Variants in ATP8A2 observed in about 807,000 individuals in gnomAD.
ATP8A2 encodes ATPase phospholipid transporting 8A2.
ATP8A2 carries 100 observed loss-of-function variants against 165.6 expected under a neutral mutation model. That is an observed-to-expected ratio of 0.60 (90% CI 0.51 to 0.71). The LOEUF (loss-of-function observed/expected upper bound fraction) is 0.71. Among genes scored for constraint, ATP8A2 ranks in the 30% least tolerant of loss-of-function variants. The pLI, the probability that ATP8A2 is intolerant of heterozygous loss-of-function variation, is 0.00. For synonymous variants in ATP8A2, 543 were observed against 548.8 expected, an observed-to-expected ratio of 0.99 and a Z score of 0.15; for missense variants, 1,227 against 1,479.5, an observed-to-expected ratio of 0.83 and a Z score of 2.80.
chr13:25,406,526 G>A (rs1420556218), intron 1 of ATP8A2, among the ~76,000 whole-genome samples: 1 of 152,172 alleles, frequency 6.6e-6, no homozygotes, highest in Non-Finnish European at 1.5e-5. Context: ...TGCTCTCATA[G>A]GACTATGCAT....
chr13:25,566,101 A>G (rs1041523584), intron 16 of ATP8A2, among the ~76,000 whole-genome samples: 1 of 152,102 alleles, frequency 6.6e-6, no homozygotes, highest in Non-Finnish European at 1.5e-5. Flanking sequence ...ACTTTTCTCT[A>G]TTGAAGTTAG....
At chr13:25,780,369 A>C (rs1025437556) in intron 27 of ATP8A2, among the ~76,000 whole-genome samples, 3 of 152,296 alleles carry the variant, frequency 2.0e-5, no homozygotes, top group East Asian at 3.9e-4. Flanking sequence ...AACACATACA[A>C]GAAATTTTAG....
intron 2 of ATP8A2, among the ~76,000 whole-genome samples, chr13:25,469,479 C>T (rs2035779883): frequency 6.6e-6 from 1 of 152,200 alleles, no homozygotes; most frequent in African/African-American, 2.4e-5. Context: ...AGTTGATAGC[C>T]TTCTTTAGCA....
chr13:25,530,043 A>G lies in ATP8A2; in HGVS notation c.266A>G (p.Tyr89Cys). The G allele has an allele frequency of 1.2e-6, 2 of 1,613,204 alleles. No individual in the cohort carries two copies. Among genetic ancestry groups the G allele is most frequent in the Non-Finnish European group, 1.7e-6 (2 of 1,179,374 alleles). ...SVLTFLPRFL[Y>C]EQIRRAANAF... ...TTGACATTTCTACCTCGATTCTTGT[A>G]TGAGCAGATTAGAAGAGCTGCTAAT... Residue 89 changes from tyrosine (Y) to cysteine (C), a missense_variant, in exon 3 of 37, where the codon TAT becomes TGT. This residue lies in a region of ATP8A2 where 356 missense variants were observed against 394.9 expected (regional missense o/e 0.90). Coordinates refer to ENST00000381655, the MANE Select transcript of ATP8A2 (RefSeq NM_016529.6).
At chr13:25,717,808 C>A (rs897770606) in intron 25 of ATP8A2, among the ~76,000 whole-genome samples, 1 of 152,118 alleles carries the variant, frequency 6.6e-6, no homozygotes. Context: ...TGCTGCTGGT[C>A]TTGTAGTATG....
chr13:25,479,907 G>C (rs956058914), intron 2 of ATP8A2, among the ~76,000 whole-genome samples: 1 of 151,798 alleles, frequency 6.6e-6, no homozygotes, highest in Non-Finnish European at 1.5e-5. Context: ...ACACAGACAC[G>C]GCAACCATCC....
At chr13:25,481,854 T>TA (rs1439937806) in intron 2 of ATP8A2, among the ~76,000 whole-genome samples, 12 of 152,268 alleles carry the variant, frequency 7.9e-5, no homozygotes, top group African/African-American at 2.9e-4. Flanking sequence ...CTGTCTCTAA[T>TA]AAGGGCACTA....
At chr13:25,544,032 TA>T (rs1435613862) in intron 10 of ATP8A2, among the ~76,000 whole-genome samples, 1 of 152,264 alleles carries the variant, frequency 6.6e-6, no homozygotes, top group Non-Finnish European at 1.5e-5. Flanking sequence ...TGGTGGCTAT[TA>T]ATGAGAATTG....
chr13:25,378,399 T>C (rs1480299928), intron 1 of ATP8A2, among the ~76,000 whole-genome samples: 4 of 152,188 alleles, frequency 2.6e-5, no homozygotes, highest in Non-Finnish European at 5.9e-5. Flanking sequence ...CCCATTTTGC[T>C]TTCCATCACA....
intron 27 of ATP8A2, among the ~76,000 whole-genome samples, chr13:25,819,953 A>G (rs897864617): frequency 6.6e-6 from 1 of 152,212 alleles, no homozygotes; most frequent in African/African-American, 2.4e-5. Context: ...AAGAAACCAT[A>G]TGTTAATTTA....
chr13:25,424,428 G>A (rs2034385122), intron 1 of ATP8A2, among the ~76,000 whole-genome samples: 1 of 152,110 alleles, frequency 6.6e-6, no homozygotes, highest in African/African-American at 2.4e-5. Flanking sequence ...CAATATAGGA[G>A]GAAGTTAATT....
At chr13:25,876,168 TCAG>T (rs1202583056) in intron 33 of ATP8A2, among the ~76,000 whole-genome samples, 1 of 152,160 alleles carries the variant, frequency 6.6e-6, no homozygotes, top group Non-Finnish European at 1.5e-5. Flanking sequence ...GCATTGTTCC[TCAG>T]CAGATCAGGG....
intron 33 of ATP8A2, among the ~76,000 whole-genome samples, chr13:25,901,427 G>A (rs1953744313): frequency 6.7e-6 from 1 of 149,348 alleles, no homozygotes; most frequent in African/African-American, 2.5e-5. Flanking sequence ...AAAACCACAT[G>A]TTACTTAGAA....
At chr13:25,737,227 C>T (rs1423235431) in intron 25 of ATP8A2, among the ~76,000 whole-genome samples, 2 of 152,168 alleles carry the variant, frequency 1.3e-5, no homozygotes, top group African/African-American at 2.4e-5. Flanking sequence ...AACGGGTCCT[C>T]AGGAAGTTAA....
At chr13:25,439,203 G>A (rs906363529) in intron 1 of ATP8A2, among the ~76,000 whole-genome samples, 4 of 152,158 alleles carry the variant, frequency 2.6e-5, no homozygotes, top group Admixed American at 6.5e-5. Flanking sequence ...AGGGCAGTTC[G>A]GGGTAATTCC....
intron 27 of ATP8A2, among the ~76,000 whole-genome samples, chr13:25,822,407 T>C (rs1445361057): frequency 2.0e-5 from 3 of 152,244 alleles, no homozygotes; most frequent in Non-Finnish European, 4.4e-5. Context: ...TAGACAATGC[T>C]ATCTCACCAG....
At chr13:25,866,359 C>T (rs1186875009) in intron 33 of ATP8A2, among the ~76,000 whole-genome samples, 1 of 152,152 alleles carries the variant, frequency 6.6e-6, no homozygotes, top group Non-Finnish European at 1.5e-5. Context: ...AATAGGCTAA[C>T]CTGTGGGAAA....
Position 25,885,105 on chromosome 13 carries a change from CTTTTTTTTTTTTT to C in ATP8A2, c.3183+22709_3183+22721del, listed in dbSNP as rs869044168. Among the ~76,000 whole-genome samples the C allele has an allele frequency of 4.5e-5, 4 of 88,600 alleles. No individual in the cohort carries two copies. In the Admixed American group the frequency reaches 6.0e-4, roughly 13 times the overall value. The allele number at this position is 88,600 out of a possible 152,430, so 58.1% of individuals were successfully genotyped here. A position where few individuals can be genotyped will look rare whatever the true frequency, so the allele number is the denominator to read the frequency against. ...AGAGTCAGTCTCCTTTCTCCGCTTG[CTTTTTTTTTTTTT>C]TTTTTTTTTTTGAGGTGGAGTCTTG... On this transcript the variant is annotated intron_variant, in intron 33 of 36. Coordinates refer to ENST00000381655, the MANE Select transcript of ATP8A2 (RefSeq NM_016529.6).
chr13:25,524,886 ACTTC>A (rs58154499), intron 2 of ATP8A2, among the ~76,000 whole-genome samples: 40,093 of 141,174 alleles, frequency 0.28, 6,157 homozygotes, highest in East Asian at 0.66. Flanking sequence ...TTGTTTGATA[ACTTC>A]CTTCCTTCCT....
Sources: allele counts gnomAD v4.1 joint callset (sites outside exome capture counted in the v4.1 genomes callset), GRCh38; gene constraint gnomAD v4.1.1; regional missense constraint gnomAD v4.1.1; transcripts MANE v1.5; gene names NCBI Gene and HGNC (gene_info 2026-07-23, HGNC 2026-07-21).